TSHZ2: variants seen among roughly 807,000 people sequenced by gnomAD.
The protein encoded by TSHZ2 is teashirt zinc finger homeobox 2, also known as teashirt homolog 2.
TSHZ2 carries 21 observed loss-of-function variants against 74.4 expected under a neutral mutation model. The ratio of observed to expected loss-of-function variants is 0.28; its 90% CI spans 0.20 to 0.41. The LOEUF (loss-of-function observed/expected upper bound fraction) is 0.41, where lower values mean the gene tolerates loss of function less well. Ranked by LOEUF, TSHZ2 falls within the 10% of genes least tolerant of loss-of-function variation. The pLI is 1.00. For missense variants in TSHZ2, 1,244 were observed against 1,293.5 expected, an observed-to-expected ratio of 0.96 and a Z score of 0.59; for synonymous variants, 540 against 515.3, an observed-to-expected ratio of 1.05 and a Z score of -0.65.
chr20:53,282,950 G>A (rs780447181), intron 2 of TSHZ2, among the ~76,000 whole-genome samples: 3 of 152,152 alleles, frequency 2.0e-5, no homozygotes, highest in African/African-American at 4.8e-5. Context: ...TTCCCAAGAC[G>A]GAACCTGGGA....
intron 2 of TSHZ2, among the ~76,000 whole-genome samples, chr20:53,270,058 G>C (rs898799018): frequency 6.6e-6 from 1 of 152,240 alleles, no homozygotes; most frequent in East Asian, 1.9e-4. Flanking sequence ...AGCTATGTAG[G>C]AATCTGGCCA....
chr20:53,158,487 G>A (rs1987850245), intron 1 of TSHZ2, among the ~76,000 whole-genome samples: 1 of 152,148 alleles, frequency 6.6e-6, no homozygotes, highest in African/African-American at 2.4e-5. Context: ...GGTGGAGGTT[G>A]TGAGAAATGG....
intron 2 of TSHZ2, among the ~76,000 whole-genome samples, chr20:53,287,402 G>T (rs1991188800): frequency 6.6e-6 from 1 of 152,162 alleles, no homozygotes; most frequent in African/African-American, 2.4e-5. Flanking sequence ...ATTTTCATGT[G>T]CATTGACTTA....
intron 2 of TSHZ2, among the ~76,000 whole-genome samples, chr20:53,420,252 T>A (rs1278586993): frequency 6.6e-6 from 1 of 152,054 alleles, no homozygotes; most frequent in South Asian, 2.1e-4. Flanking sequence ...AACAGAGTGG[T>A]CAGGGAAGGC....
intron 2 of TSHZ2, among the ~76,000 whole-genome samples, chr20:53,323,718 G>A (rs906298782): frequency 3.3e-5 from 5 of 151,580 alleles, no homozygotes; most frequent in Admixed American, 3.3e-4. Context: ...TGGGATTACA[G>A]GCGCACACCA....
At position 53,437,164 on chromosome 20, in the gene TSHZ2, A is replaced by G. The variant is rs17522282; in HGVS notation, c.*9-49980A>G. On this transcript the variant is annotated intron_variant, in intron 2 of 2. Coordinates refer to ENST00000371497, the MANE Select transcript of TSHZ2 (RefSeq NM_173485.6). ...AATCACGTGTGTGTTAGGACTATGG[A>G]TTGCACATGACAGAAAAATCCACTC... Among the ~76,000 whole-genome samples, 1,078 of 152,204 alleles carry G rather than the reference A, an allele frequency of 7.1e-3. 4 individuals carry two copies. Among genetic ancestry groups the G allele is most frequent in the South Asian group, 0.037 (180 of 4,830 alleles).
At chr20:53,474,994 C>T (rs1475682470) in intron 2 of TSHZ2, among the ~76,000 whole-genome samples, 1 of 137,254 alleles carries the variant, frequency 7.3e-6, no homozygotes, top group African/African-American at 2.9e-5. Context: ...ACAGGAGCAC[C>T]CAGATTCATA....
chr20:53,338,934 G>A (rs1980066792), intron 2 of TSHZ2, among the ~76,000 whole-genome samples: 1 of 152,188 alleles, frequency 6.6e-6, no homozygotes, highest in Non-Finnish European at 1.5e-5. Context: ...TTGCAGTGAT[G>A]GGAAGCACTG....
chr20:53,244,639 A>G (rs1990158249), intron 1 of TSHZ2, among the ~76,000 whole-genome samples: 1 of 152,098 alleles, frequency 6.6e-6, no homozygotes, highest in Non-Finnish European at 1.5e-5. Flanking sequence ...AATATAAAGC[A>G]TTTTTCTTGG....
intron 2 of TSHZ2, among the ~76,000 whole-genome samples, chr20:53,297,302 G>A (rs1991397163): frequency 7.1e-6 from 1 of 141,294 alleles, no homozygotes; most frequent in African/African-American, 2.7e-5. Flanking sequence ...TCAGGCTTGA[G>A]TGCAGTGATG....
intron 1 of TSHZ2, among the ~76,000 whole-genome samples, chr20:53,212,779 AG>A (rs1388829000): frequency 6.6e-6 from 1 of 152,214 alleles, no homozygotes; most frequent in African/African-American, 2.4e-5. Context: ...CCAGCAGGAA[AG>A]GAAGTACTGC....
intron 1 of TSHZ2, among the ~76,000 whole-genome samples, chr20:53,053,065 C>T (rs201919194): frequency 3.3e-5 from 5 of 152,168 alleles, no homozygotes; most frequent in Admixed American, 1.3e-4. Context: ...CCCTAGGCAG[C>T]CTCCGGTACT....
At chr20:53,461,085 G>T (rs1024873032) in intron 2 of TSHZ2, among the ~76,000 whole-genome samples, 2 of 150,104 alleles carry the variant, frequency 1.3e-5, no homozygotes, top group East Asian at 2.0e-4. Flanking sequence ...CGAGCTTCCC[G>T]GCTGCTTTGT....
intron 2 of TSHZ2, chr20:53,455,319 C>T (rs1238918822): frequency 6.6e-6 from 1 of 152,178 alleles, no homozygotes; most frequent in Non-Finnish European, 1.5e-5. Context: ...GGAATGCAAA[C>T]TTACCAGAGG....
At chr20:53,102,451 G>A (rs1049314064) in intron 1 of TSHZ2, among the ~76,000 whole-genome samples, 1 of 149,752 alleles carries the variant, frequency 6.7e-6, no homozygotes, top group Non-Finnish European at 1.5e-5. Context: ...GGAGGTGGGG[G>A]AAGAGAGGAG....
intron 1 of TSHZ2, among the ~76,000 whole-genome samples, chr20:52,975,650 T>C (rs1455491022): frequency 6.6e-6 from 1 of 152,136 alleles, no homozygotes; most frequent in Admixed American, 6.5e-5. Context: ...GAAACCCTTT[T>C]TAAGCTGAAA....
chr20:53,345,437 G>A (rs1005980086), intron 2 of TSHZ2, among the ~76,000 whole-genome samples: 12 of 152,108 alleles, frequency 7.9e-5, no homozygotes, highest in African/African-American at 2.9e-4. Flanking sequence ...CCGTCCCCCA[G>A]TGTAGACCGC....
intron 1 of TSHZ2, among the ~76,000 whole-genome samples, chr20:53,151,667 A>T (rs972534615): frequency 1.3e-5 from 2 of 152,222 alleles, no homozygotes; most frequent in Non-Finnish European, 2.9e-5. Context: ...AAATAAGTTT[A>T]AAAAAACTTT....
intron 2 of TSHZ2, among the ~76,000 whole-genome samples, chr20:53,269,662 G>T (rs1990791893): frequency 6.6e-6 from 1 of 152,174 alleles, no homozygotes; most frequent in Non-Finnish European, 1.5e-5. Flanking sequence ...ACTTAGAATA[G>T]TGCCTGGCAC....
Sources: gnomAD v4.1 joint callset for allele counts (sites outside exome capture counted in the v4.1 genomes callset) on GRCh38, gnomAD v4.1.1 for gene constraint, MANE v1.5 for transcripts, NCBI Gene and HGNC (gene_info 2026-07-23, HGNC 2026-07-21) for gene names.